TRAM1: variants seen among roughly 807,000 people sequenced by gnomAD.
TRAM1 encodes the protein translocation associated membrane protein 1, also known as translocating chain-associated membrane protein 1.
TRAM1 carries 17 observed loss-of-function variants against 48.7 expected under a neutral mutation model. The ratio of observed to expected loss-of-function variants is 0.35; its 90% CI spans 0.24 to 0.52. The LOEUF (loss-of-function observed/expected upper bound fraction) is 0.52. Ranked by LOEUF, TRAM1 falls within the 20% of genes least tolerant of loss-of-function variation. The pLI is 0.94. For missense variants in TRAM1, 351 were observed against 441.5 expected (o/e 0.79, Z 1.84); for synonymous variants, 182 against 154.0 (o/e 1.18, Z -1.34).
At chr8:70,595,785 G>A (rs564355612) in intron 5 of TRAM1, among the ~76,000 whole-genome samples, 1 of 152,216 alleles carries the variant, frequency 6.6e-6, no homozygotes, top group South Asian at 2.1e-4. Flanking sequence ...CTCGAATAAT[G>A]AATTATTCAG....
chr8:70,586,860 T>C (rs758444544), intron 8 of TRAM1, 35 bp downstream of exon 8: 3 of 1,553,970 alleles, frequency 1.9e-6, no homozygotes, highest in Non-Finnish European at 2.7e-6. Context: ...TTTAAATACC[T>C]AGTACACGAG....
At chr8:70,585,241 G>C (rs1471092047) in intron 8 of TRAM1, among the ~76,000 whole-genome samples, 1 of 152,024 alleles carries the variant, frequency 6.6e-6, no homozygotes, top group African/African-American at 2.4e-5. Context: ...AGCTGAAACT[G>C]GATCCCTTCC....
At chr8:70,589,486 A>C (rs1817301816) in intron 6 of TRAM1, among the ~76,000 whole-genome samples, 1 of 152,220 alleles carries the variant, frequency 6.6e-6, no homozygotes. Flanking sequence ...TGGTGTGTAC[A>C]TTGGTACTGA....
chr8:70,583,069 A>G (rs1369779829), intron 10 of TRAM1, 95 bp downstream of exon 10: 4 of 1,355,824 alleles, frequency 3.0e-6, no homozygotes, highest in South Asian at 1.5e-5. Context: ...TATTTTCTTT[A>G]TAAGACACCT....
chr8:70,588,817 T>C (rs1001876230), intron 6 of TRAM1, among the ~76,000 whole-genome samples: 1 of 152,244 alleles, frequency 6.6e-6, no homozygotes, highest in African/African-American at 2.4e-5. Context: ...TCCTTTGTTG[T>C]AGCAGTTTTC....
chr8:70,605,476 G>A (rs1324278818), intron 1 of TRAM1, among the ~76,000 whole-genome samples: 2 of 152,160 alleles, frequency 1.3e-5, no homozygotes, highest in East Asian at 1.9e-4. Flanking sequence ...CTTTGTCAAT[G>A]TCACCATAAA....
intron 5 of TRAM1, among the ~76,000 whole-genome samples, chr8:70,595,576 G>A (rs1273226934): frequency 6.6e-6 from 1 of 151,970 alleles, no homozygotes; most frequent in Non-Finnish European, 1.5e-5. Flanking sequence ...AGTTTTTACC[G>A]CTACCAAGGC....
intron 2 of TRAM1, among the ~76,000 whole-genome samples, chr8:70,599,694 C>T (rs1032108998): frequency 1.3e-5 from 2 of 152,096 alleles, no homozygotes; most frequent in Non-Finnish European, 2.9e-5. Context: ...CTTGAATGAA[C>T]AATGACATTT....
In TRAM1 at chr8:70,597,958, T is replaced by A; in HGVS notation, c.363A>T (p.Glu121Asp). 1 of 1,601,182 alleles carries A rather than the reference T, an allele frequency of 6.2e-7. No homozygotes were observed. Among genetic ancestry groups the A allele is most frequent in the Non-Finnish European group, 8.5e-7 (1 of 1,172,480 alleles). The part of the protein sequence containing the change: ...FSKTKHSKFN[E>D]SGQLSAFYLF... ...GGTAGAACGCACTAAGCTGACCAGATTCATTAAACTTGCTGTGTTTTGTTT... is the reference window on the plus strand; with the variant it reads ...GGTAGAACGCACTAAGCTGACCAGAATCATTAAACTTGCTGTGTTTTGTTT... Residue 121 changes from glutamate to aspartate, a missense_variant, in exon 4 of 11, where the codon GAA becomes GAT. Coordinates refer to ENST00000262213, the MANE Select transcript of TRAM1 (RefSeq NM_014294.6).
rs111278931 is a variant in TRAM1, at chr8:70,608,373, G to GA, written c.-175dup. 0.71 allele frequency: 265,892 copies of GA among 374,080 alleles called. 82,936 individuals carry two copies. The highest frequency in any genetic ancestry group is 0.85 in the African/African-American group (37,733 of 44,164). The allele number at this position is 374,080 out of a possible 1,614,324, so 23.2% of individuals were successfully genotyped here. ...TACGCAGCCGCCGGGCCGCCCGGGG[G>GA]AAAAAAAAAAACACAACAGCTAGCC... On this transcript the variant is annotated 5_prime_UTR_variant, in exon 1 of 11. Coordinates refer to ENST00000262213, the MANE Select transcript of TRAM1 (RefSeq NM_014294.6).
chr8:70,586,847 G>T, intron 8 of TRAM1, 48 bp downstream of exon 8: 1 of 1,499,070 alleles, frequency 6.7e-7, no homozygotes, highest in South Asian at 1.1e-5. Context: ...GTTAGGCACT[G>T]ACTTTAAATA....
At chr8:70,589,861 A>C (rs772742085) in intron 6 of TRAM1, among the ~76,000 whole-genome samples, 5 of 152,172 alleles carry the variant, frequency 3.3e-5, no homozygotes, top group Non-Finnish European at 5.9e-5. Context: ...AAACAAAACA[A>C]AACAAAAACC....
chr8:70,576,124 C>CA lies in TRAM1; in HGVS notation c.1052-1120dup, dbSNP rs953669512. 3.1e-4 allele frequency among the ~76,000 whole-genome samples: 31 copies of CA among 100,534 alleles called. 1 individual carries two copies. Among genetic ancestry groups the CA allele is most frequent in the African/African-American group, 1.2e-3 (30 of 25,448 alleles). 66.0% of individuals were successfully genotyped at this position (100,534 alleles called of 152,430 possible). ...CACAAAAAAAAACCCCAAAACAAAACAAAAAATCCTTGTGAAATACAGTTA... is the reference window on the plus strand; with the variant it reads ...CACAAAAAAAAACCCCAAAACAAAACAAAAAAATCCTTGTGAAATACAGTTA... On this transcript the variant is annotated intron_variant, in intron 10 of 10. Transcript: ENST00000262213.
At chr8:70,583,466 C>T (rs1348261638) in intron 9 of TRAM1, 142 bp from the exon 10 acceptor site, 1 of 1,303,526 alleles carries the variant, frequency 7.7e-7, no homozygotes, top group South Asian at 1.6e-5. Flanking sequence ...ATAATTTATC[C>T]TAAAAGTTAA....
intron 2 of TRAM1, among the ~76,000 whole-genome samples, chr8:70,598,612 G>A (rs1295186643): frequency 6.6e-6 from 1 of 151,992 alleles, no homozygotes; most frequent in African/African-American, 2.4e-5. Context: ...TTTTTTCAAA[G>A]GGCTTTTGAA....
At chr8:70,597,668 CAA>C (rs35449323) in intron 4 of TRAM1, among the ~76,000 whole-genome samples, 1 of 35,984 alleles carries the variant, frequency 2.8e-5, no homozygotes. Flanking sequence ...GACTCTGTCT[CAA>C]AAAAAAAAAA....
chr8:70,599,615 T>C lies in TRAM1; in HGVS notation c.187+404A>G, dbSNP rs990088867. On this transcript the variant is annotated intron_variant, in intron 2 of 10. Transcript: ENST00000262213. ...AAAAGTGAAAATAATCTTAGAAGGATTGATTGCTATTACAGGTCCAAAATG... is the reference window on the plus strand; with the variant it reads ...AAAAGTGAAAATAATCTTAGAAGGACTGATTGCTATTACAGGTCCAAAATG... Among the ~76,000 whole-genome samples the C allele has an allele frequency of 2.6e-5, 4 of 152,186 alleles. 1 individual carries two copies. The highest frequency in any genetic ancestry group is 4.8e-5 in the African/African-American group (2 of 41,450).
intron 1 of TRAM1, among the ~76,000 whole-genome samples, chr8:70,606,198 G>C (rs1817714398): frequency 6.6e-6 from 1 of 152,118 alleles, no homozygotes; most frequent in Non-Finnish European, 1.5e-5. Flanking sequence ...TTTAACATTG[G>C]GTTTTTTTTG....
At chr8:70,582,669 A>AT (rs1817106572) in intron 10 of TRAM1, among the ~76,000 whole-genome samples, 1 of 152,128 alleles carries the variant, frequency 6.6e-6, no homozygotes, top group African/African-American at 2.4e-5. Context: ...ATTAACTGTA[A>AT]TATCGATGCA....
Sources: allele counts gnomAD v4.1 joint callset (sites outside exome capture counted in the v4.1 genomes callset), GRCh38; gene constraint gnomAD v4.1.1; transcripts MANE v1.5; gene names NCBI Gene and HGNC (gene_info 2026-07-23, HGNC 2026-07-21).